VCP: variants seen among roughly 807,000 people sequenced by gnomAD.
VCP encodes valosin containing protein, also known as transitional endoplasmic reticulum ATPase.
In VCP, 6 loss-of-function variants were observed where a neutral mutation model predicts 85.7. That is an observed-to-expected ratio of 0.07 (90% CI 0.04 to 0.14). The LOEUF is 0.14. Among genes scored for constraint, VCP ranks in the 10% least tolerant of loss-of-function variants. The pLI, the probability that VCP is intolerant of heterozygous loss-of-function variation, is 1.00. For synonymous variants in VCP, 384 were observed against 367.1 expected (o/e 1.05, Z -0.53); for missense variants, 353 against 1,043.4 (o/e 0.34, Z 9.12).
At chr9:35,072,237 C>T (rs1250433790) in intron 1 of VCP, 100 bp downstream of exon 1, 13 of 1,465,004 alleles carry the variant, frequency 8.9e-6, no homozygotes, top group Non-Finnish European at 1.2e-5. Flanking sequence ...CTGGTCTCCA[C>T]CTCTCTGACG....
chr9:35,059,832 A>G lies in VCP; in HGVS notation c.1696-31T>C. 6.2e-7 allele frequency: 1 copy of G among 1,613,974 alleles called. No homozygotes were observed. The highest frequency in any genetic ancestry group is 1.1e-5 in the South Asian group (1 of 91,058). On this transcript the variant is annotated intron_variant, in intron 13 of 16. Transcript: ENST00000358901. The surrounding 1 kb of genome is among the most constrained non-coding windows in gnomAD (Gnocchi z 4.9). ...GGAGGAATGGATTGATTCAAGCACT[A>G]ACAAAACTAGATGTCTCTAGGCAAA...
chr9:35,057,050 C>T lies in VCP; in HGVS notation c.*67G>A, dbSNP rs1828622106. 1 of 1,547,760 alleles carries T rather than the reference C, an allele frequency of 6.5e-7. No homozygotes were observed. The highest frequency in any genetic ancestry group is 1.7e-5 in the Admixed American group (1 of 59,882). On this transcript the variant is annotated 3_prime_UTR_variant, in exon 17 of 17. Transcript: ENST00000358901. ...GCGCACCCCTGGTCCCTCTCCTGGG[C>T]AAGCGCCCCCACCCCCAGGGAACAA... is the stretch of plus-strand genomic sequence containing the variant.
At chr9:35,068,088 T>C in intron 2 of VCP, 25 bp from the exon 3 acceptor site, 1 of 1,614,100 alleles carries the variant, frequency 6.2e-7, no homozygotes, top group Non-Finnish European at 8.5e-7. Context: ...TTAAGGCCTT[T>C]GGGTCATTGG....
At chr9:35,061,517 A>G (rs1364451829) in intron 10 of VCP, 60 bp downstream of exon 10, 2 of 1,487,456 alleles carry the variant, frequency 1.3e-6, no homozygotes, top group East Asian at 4.5e-5. Context: ...GTCTCTAGCC[A>G]GTTCCCAGCA....
rs763920420 is a variant in VCP, at chr9:35,063,098, G to C, written c.709-18C>G. 7.1e-5 allele frequency: 115 copies of C among 1,612,440 alleles called. No individual in the cohort carries two copies. Among genetic ancestry groups the C allele is most frequent in the Middle Eastern group, 3.3e-4 (2 of 6,056 alleles). On this transcript the variant is annotated intron_variant, in intron 6 of 16. Transcript: ENST00000358901. ...CTAGGAGGCTGTGGACCAATGCAGA[G>C]TGTGATTAGGTTCCCACCTTCTCCC... is the stretch of plus-strand genomic sequence containing the variant.
intron 15 of VCP, among the ~76,000 whole-genome samples, chr9:35,058,329 CA>C (rs991853386): frequency 1.3e-5 from 2 of 152,164 alleles, no homozygotes; most frequent in Admixed American, 6.5e-5. Flanking sequence ...AAGGGTAACA[CA>C]AGACATAGTG....
rs1828683227 is a variant in VCP at position 35,059,722 on chromosome 9, T to C, written c.1775A>G (p.Asp592Gly). 6.2e-7 allele frequency: 1 copy of C among 1,613,794 alleles called. No homozygotes were observed. Among genetic ancestry groups the C allele is most frequent in the Non-Finnish European group, 8.5e-7 (1 of 1,179,972 alleles). The change falls in exon 14 of 17, where the codon GAT (aspartate) becomes GGT (glycine). Residue 592 changes from aspartate to glycine, a missense_variant. Physicochemically the swap from Asp to Gly is moderately conservative, Grantham distance 94 (BLOSUM62 -1). Around this residue, in one of 8 missense-constraint regions of VCP, gnomAD observed 30 missense variants for 192.3 expected, o/e 0.16. Coordinates refer to ENST00000358901, the MANE Select transcript of VCP (RefSeq NM_007126.5). The surrounding 1 kb of genome is among the most constrained non-coding windows in gnomAD (Gnocchi z 4.9). The part of the protein sequence containing the change: ...IAKARGGNIG[D>G]GGGAADRVIN... The stretch of plus-strand genomic sequence containing the variant: ...GACTCGGTCAGCAGCCCCACCACCA[T>C]CTCCAATGTTACCTCCACGAGCCTT...
intron 15 of VCP, among the ~76,000 whole-genome samples, chr9:35,058,555 G>A (rs1449490858): frequency 6.6e-6 from 1 of 152,118 alleles, no homozygotes. Flanking sequence ...AAGGTCAGGA[G>A]ATCGAGACCA....
intron 15 of VCP, 198 bp from the exon 16 acceptor site, chr9:35,057,728 G>T (rs1273794921): frequency 4.4e-6 from 3 of 684,060 alleles, no homozygotes; most frequent in Non-Finnish European, 7.7e-6. Context: ...AGGGAAAACT[G>T]TAGGGACAGA....
Position 35,059,288 on chromosome 9 carries a change from C to T in VCP, c.2005-69G>A, listed in dbSNP as rs1828673950. Reference sequence around the variant, plus strand: ...TCGAGATACGCAGATCTTTGGGCTACCCGAGCACTCCCAACTACAGTTTGC... The same window carrying T: ...TCGAGATACGCAGATCTTTGGGCTATCCGAGCACTCCCAACTACAGTTTGC... On this transcript the variant is annotated intron_variant, in intron 14 of 16. Transcript: ENST00000358901. This position sits in a 1 kb window ranked among gnomAD's most constrained non-coding sequence, Gnocchi z 4.9. The T allele has an allele frequency of 6.2e-7, 1 of 1,600,640 alleles. No homozygotes were observed. Among genetic ancestry groups the T allele is most frequent in the African/African-American group, 1.3e-5 (1 of 74,660 alleles).
At position 35,066,408 on chromosome 9, in the gene VCP, C is replaced by A. The variant is rs890618916; in HGVS notation, c.445+267G>T. Among the ~76,000 whole-genome samples the A allele has an allele frequency of 8.1e-4, 122 of 151,320 alleles. 7 individuals carry two copies. The highest frequency in any genetic ancestry group is 1.2e-4 in the Non-Finnish European group (8 of 67,778). The stretch of plus-strand genomic sequence containing the variant: ...TCCCAGGTAGCTGGGATTACAGGTG[C>A]CCACGATGGGGTTTCGCCATGTTGG... On this transcript the variant is annotated intron_variant, in intron 4 of 16. Coordinates refer to ENST00000358901, the MANE Select transcript of VCP (RefSeq NM_007126.5).
At chr9:35,071,657 G>A in intron 1 of VCP, 1 of 962,506 alleles carries the variant, frequency 1.0e-6, no homozygotes, top group Non-Finnish European at 1.2e-6. Context: ...TTTCTAGTAT[G>A]AACAACAGGC....
At position 35,061,620 on chromosome 9, in the gene VCP, T is replaced by C; in HGVS notation, c.1151A>G (p.His384Arg). ...ATCTGCCAGCTTCATGTTCTTGGTA[T>C]GGATCTGAAGAATCTCTAAGCGTCC... ...ATGRLEILQI[H>R]TKNMKLADDV... Residue 384 changes from histidine (H) to arginine (R), a missense_variant, in exon 10 of 17, where the codon CAT becomes CGT. His to Arg is a conservative substitution (Grantham distance 29, BLOSUM62 0). Coordinates refer to ENST00000358901, the MANE Select transcript of VCP (RefSeq NM_007126.5). 6.2e-7 allele frequency: 1 copy of C among 1,614,236 alleles called. No homozygotes were observed.
chr9:35,060,506 T>C lies in VCP; in HGVS notation c.1502A>G (p.Asp501Gly). The C allele has an allele frequency of 6.2e-7, 1 of 1,614,152 alleles. No individual in the cohort carries two copies. The highest frequency in any genetic ancestry group is 1.1e-5 in the South Asian group (1 of 91,086). The stretch of plus-strand genomic sequence containing the variant: ...TGTCATGCCAAACTTCAGGAATTTG[T>C]CTGGGTGCTCCACAGGATACTAGGA... ...ELVQYPVEHP[D>G]KFLKFGMTPS... Residue 501 changes from aspartate (D) to glycine (G), a missense_variant, in exon 13 of 17, where the codon GAC (aspartate) becomes GGC (glycine). Physicochemically the swap from Asp to Gly is moderately conservative, Grantham distance 94 (BLOSUM62 -1). Transcript: ENST00000358901.
rs1321344876 is a variant in VCP at position 35,072,585 on chromosome 9, G to C, written c.-232C>G. 1 of 501,718 alleles carries C rather than the reference G, an allele frequency of 2.0e-6. No homozygotes were observed. Among genetic ancestry groups the C allele is most frequent in the African/African-American group, 2.0e-5 (1 of 48,928 alleles). 31.1% of individuals were successfully genotyped at this position (501,718 alleles called of 1,614,324 possible). On this transcript the variant is annotated 5_prime_UTR_variant, in exon 1 of 17. Transcript: ENST00000358901. The stretch of plus-strand genomic sequence containing the variant: ...AGTGGCAGTGGCAGCGGCAGCGGCA[G>C]CGACGACTCAAACGACGGTCGCAGA...
At chr9:35,072,157 C>A in intron 1 of VCP, 180 bp downstream of exon 1, 1 of 1,405,270 alleles carries the variant, frequency 7.1e-7, no homozygotes, top group Non-Finnish European at 9.2e-7. Context: ...CGCGGGTGCG[C>A]AGCTGGCCCC....
Position 35,061,163 on chromosome 9 carries a change from T to A in VCP, c.1211A>T (p.His404Leu). ...TGCTAAGTCAGCACCCACATGCCCG[T>A]GAGTCTCATTGGCTACCTGCAGAGA... is the stretch of plus-strand genomic sequence containing the variant. Reference protein sequence around the residue: ...VDLEQVANETHGHVGADLAAL... With the variant: ...VDLEQVANETLGHVGADLAAL... Residue 404 changes from histidine to leucine, a missense_variant, in exon 11 of 17, where the codon CAC becomes CTC. His to Leu is a moderately conservative substitution (Grantham distance 99). This residue lies in a region of VCP where 30 missense variants were observed against 39.0 expected (regional missense o/e 0.77). Coordinates refer to ENST00000358901, the MANE Select transcript of VCP (RefSeq NM_007126.5). 1 of 1,613,426 alleles carries A rather than the reference T, an allele frequency of 6.2e-7. No homozygotes were observed. The highest frequency in any genetic ancestry group is 8.5e-7 in the Non-Finnish European group (1 of 1,180,018).
At chr9:35,072,202 C>T (rs1016943829) in intron 1 of VCP, 135 bp downstream of exon 1, 2 of 1,438,732 alleles carry the variant, frequency 1.4e-6, no homozygotes, top group African/African-American at 3.0e-5. Flanking sequence ...CCCTCACTCG[C>T]CCCCTAGCTT....
At position 35,060,787 on chromosome 9, in the gene VCP, C is replaced by A; in HGVS notation, c.1482+14G>T. On this transcript the variant is annotated intron_variant, in intron 12 of 16. Transcript: ENST00000358901. ...TACTGAGACAGTGACTCACCCTGGA[C>A]CAAGTTGCCCTACCTGGACCAGCTC... The A allele has an allele frequency of 6.2e-7, 1 of 1,614,172 alleles. No homozygotes were observed. Among genetic ancestry groups the A allele is most frequent in the South Asian group, 1.1e-5 (1 of 91,092 alleles).
Sources: allele counts gnomAD v4.1 joint callset (sites outside exome capture counted in the v4.1 genomes callset), GRCh38; gene constraint gnomAD v4.1.1; regional missense constraint gnomAD v4.1.1; non-coding constraint Gnocchi (gnomAD v3.1); transcripts MANE v1.5; gene names NCBI Gene and HGNC (gene_info 2026-07-23, HGNC 2026-07-21).